CFAP92: variants seen among roughly 807,000 people sequenced by gnomAD.
The protein encoded by CFAP92 is uncharacterized protein CFAP92.
A neutral mutation model predicts 106.3 loss-of-function variants in CFAP92; 86 were observed. The ratio of observed to expected loss-of-function variants is 0.81; its 90% confidence interval spans 0.68 to 0.97. CFAP92 has a LOEUF of 0.97. Among genes scored for constraint, CFAP92 ranks in the 50% least tolerant of loss-of-function variants. The pLI is 0.00. For synonymous variants in CFAP92, 477 were observed against 506.4 expected (o/e 0.94, Z 0.78); for missense variants, 1,204 against 1,283.8 (o/e 0.94, Z 0.95).
chr3:128,932,990 C>A lies in CFAP92; in HGVS notation c.2461G>T (p.Asp821Tyr). The A allele has an allele frequency of 6.5e-7, 1 of 1,536,058 alleles. No individual in the cohort carries two copies. Among genetic ancestry groups the A allele is most frequent in the South Asian group, 1.2e-5 (1 of 84,046 alleles). The change falls in exon 12 of 16, where the codon GAC (aspartate) becomes TAC (tyrosine). Residue 821 changes from aspartate to tyrosine, a missense_variant. Transcript: ENST00000645291. ...RVFQALARIHDICYNSTTLWD... is the reference protein window; with the variant it reads ...RVFQALARIHYICYNSTTLWD... Reference sequence around the variant, plus strand: ...AGGGTGGTGCTGTTATAGCAGATGTCGTGGATCCTGGAACAAAGAACCACT... The same window carrying A: ...AGGGTGGTGCTGTTATAGCAGATGTAGTGGATCCTGGAACAAAGAACCACT...
rs200304794 is a variant in CFAP92, at chr3:128,910,831, G to T, written c.3281-498C>A. The stretch of plus-strand genomic sequence containing the variant: ...GGACAAGTGTGAGTGGCATGTCTTG[G>T]GGGAGGGAAGGAAGGGCCCACTTCT... On this transcript the variant is annotated intron_variant, in intron 15 of 15. Transcript: ENST00000645291. 2 of 1,613,908 alleles carry T rather than the reference G, an allele frequency of 1.2e-6. No individual in the cohort carries two copies. The highest frequency in any genetic ancestry group is 1.7e-5 in the Admixed American group (1 of 60,016).
the CFAP92 span, among the ~76,000 whole-genome samples, chr3:129,008,821 G>A: frequency 1.5e-4 from 23 of 152,198 alleles, no homozygotes; most frequent in African/African-American, 5.3e-4. Flanking sequence ...GAGGTGCACA[G>A]TCCTCCTAAG....
At chr3:128,966,918 A>C (rs181941471) in intron 8 of CFAP92, 1 of 152,196 alleles carries the variant, frequency 6.6e-6, no homozygotes, top group East Asian at 1.9e-4. Context: ...CCAGTCAGAG[A>C]TGTACTAGGT....
intron 9 of CFAP92, among the ~76,000 whole-genome samples, chr3:128,952,569 T>C (rs1207840024): frequency 6.6e-6 from 1 of 152,120 alleles, no homozygotes; most frequent in East Asian, 1.9e-4. Flanking sequence ...GAAGCAGTAA[T>C]GAACATGCTT....
Position 128,915,473 on chromosome 3 carries a change from T to C in CFAP92, c.3007A>G (p.Lys1003Glu), listed in dbSNP as rs1936734992. 1 of 1,535,936 alleles carries C rather than the reference T, an allele frequency of 6.5e-7. No homozygotes were observed. Reference protein sequence around the residue: ...DLKEEEKKAQKKSRQAWLTAR... With the variant: ...DLKEEEKKAQEKSRQAWLTAR... ...GTGAGCCAGGCCTGGCGGGATTTCT[T>C]CTGGGCTTTCTTCTCCTCTTCCTTC... The change falls in exon 14 of 16, where the codon AAG (lysine) becomes GAG (glutamate). Residue 1003 changes from lysine (K) to glutamate (E), a missense_variant. By Grantham distance (56) the Lys-to-Glu change is moderately conservative. Coordinates refer to ENST00000645291, the MANE Select transcript of CFAP92 (RefSeq NM_001394090.1).
At chr3:128,994,100 G>C (rs1944386256), upstream of CFAP92, 1 of 985,722 alleles carries the variant, frequency 1.0e-6, no homozygotes, top group Non-Finnish European at 1.2e-6. Flanking sequence ...GCCGGTGCAG[G>C]GAGGGCCGCA....
At chr3:128,926,067 G>GT (rs1559857408) in intron 12 of CFAP92, among the ~76,000 whole-genome samples, 1 of 152,174 alleles carries the variant, frequency 6.6e-6, no homozygotes, top group African/African-American at 2.4e-5. Flanking sequence ...TTGAATAAAA[G>GT]TAAAACACTG....
intron 2 of CFAP92, 49 bp from the exon 3 acceptor site, chr3:128,988,967 G>A: frequency 7.0e-7 from 1 of 1,427,418 alleles, no homozygotes; most frequent in Non-Finnish European, 9.7e-7. Flanking sequence ...ATGTGGAAAA[G>A]CAGACCCGTC....
At chr3:128,951,060 G>C (rs1940730117) in intron 9 of CFAP92, among the ~76,000 whole-genome samples, 1 of 152,094 alleles carries the variant, frequency 6.6e-6, no homozygotes, top group Non-Finnish European at 1.5e-5. Flanking sequence ...AATTAGGAGA[G>C]AAAGAACAAT....
At chr3:128,980,069 C>A (rs1007244613) in intron 4 of CFAP92, among the ~76,000 whole-genome samples, 1 of 151,076 alleles carries the variant, frequency 6.6e-6, no homozygotes, top group Non-Finnish European at 1.5e-5. Flanking sequence ...AAAAATACTT[C>A]ATTGCTAAAA....
At chr3:128,920,695 C>T (rs1260929345) in intron 12 of CFAP92, among the ~76,000 whole-genome samples, 1 of 152,084 alleles carries the variant, frequency 6.6e-6, no homozygotes, top group African/African-American at 2.4e-5. Context: ...TTTGGAACAC[C>T]AAGCTCTGTT....
upstream of CFAP92, among the ~76,000 whole-genome samples, chr3:129,002,981 G>C (rs1166696118): frequency 6.6e-6 from 1 of 152,160 alleles, no homozygotes; most frequent in Admixed American, 6.5e-5. Flanking sequence ...TCTGGGAGCC[G>C]TCGACAAACA....
intron 2 of CFAP92, among the ~76,000 whole-genome samples, chr3:128,992,205 T>A (rs1944257640): frequency 6.6e-6 from 1 of 152,214 alleles, no homozygotes; most frequent in Non-Finnish European, 1.5e-5. Context: ...TGCACCGCAT[T>A]TTTGTGGCAA....
intron 4 of CFAP92, among the ~76,000 whole-genome samples, chr3:128,983,074 A>G (rs1943631227): frequency 6.6e-6 from 1 of 152,210 alleles, no homozygotes; most frequent in African/African-American, 2.4e-5. Flanking sequence ...CAAACCTCCA[A>G]TTTGGAAAAC....
intron 7 of CFAP92, among the ~76,000 whole-genome samples, chr3:128,975,182 C>A (rs1334808807): frequency 6.6e-6 from 1 of 152,028 alleles, no homozygotes; most frequent in African/African-American, 2.4e-5. Flanking sequence ...GAGAGTCTTT[C>A]CATAAACATG....
chr3:128,963,606 T>C (rs1469141053), intron 9 of CFAP92, among the ~76,000 whole-genome samples: 8 of 151,260 alleles, frequency 5.3e-5, no homozygotes, highest in African/African-American at 1.7e-4. Context: ...ATCCACCTGA[T>C]ATTCACCCCA....
At chr3:128,915,335 G>A (rs1260007500) in intron 14 of CFAP92, 22 bp downstream of exon 14, 8 of 1,536,046 alleles carry the variant, frequency 5.2e-6, no homozygotes, top group Non-Finnish European at 6.1e-6. Flanking sequence ...CCCCACCTGA[G>A]ACCCTGCTCT....
intron 4 of CFAP92, among the ~76,000 whole-genome samples, chr3:128,981,621 G>A (rs1372046295): frequency 2.0e-5 from 3 of 152,200 alleles, no homozygotes; most frequent in African/African-American, 4.8e-5. Flanking sequence ...TTGAGCCACC[G>A]CACCTGGACT....
In CFAP92 at chr3:128,933,011, C is replaced by G; in HGVS notation, c.2454-14G>C. ...ATGTCGTGGATCCTGGAACAAAGAA[C>G]CACTGCCCCACTGAACCTCTCCTAC... On this transcript the variant is annotated splice_polypyrimidine_tract_variant and intron_variant, in intron 11 of 15. Transcript: ENST00000645291. 2.0e-6 allele frequency: 3 copies of G among 1,535,650 alleles called. No individual in the cohort carries two copies. Among genetic ancestry groups the G allele is most frequent in the Non-Finnish European group, 2.6e-6 (3 of 1,146,540 alleles).
Sources: allele counts gnomAD v4.1 joint callset (sites outside exome capture counted in the v4.1 genomes callset), GRCh38; gene constraint gnomAD v4.1.1; transcripts MANE v1.5; gene names NCBI Gene and HGNC (gene_info 2026-07-23, HGNC 2026-07-21).